Variants in TIMD4 observed in about 807,000 individuals in gnomAD.
TIMD4 encodes T cell immunoglobulin and mucin domain containing 4.
Under a neutral mutation model 41.2 loss-of-function variants are expected in TIMD4, and 31 were observed. The observed-to-expected ratio is 0.75, with a 90% CI of 0.57 to 1.01. The LOEUF is 1.01. Among genes scored for constraint, TIMD4 ranks in the 50% least tolerant of loss-of-function variants. The pLI, the probability that TIMD4 is intolerant of heterozygous loss-of-function variation, is 0.00. For synonymous variants in TIMD4, 204 were observed against 177.1 expected, an observed-to-expected ratio of 1.15 and a Z score of -1.21; for missense variants, 479 against 472.5, an observed-to-expected ratio of 1.01 and a Z score of -0.13.
intron 1 of TIMD4, 55 bp from the exon 2 acceptor site, chr5:156,954,811 G>T: frequency 7.0e-7 from 1 of 1,430,966 alleles, no homozygotes; most frequent in Non-Finnish European, 9.5e-7. Flanking sequence ...TCTCAAACAT[G>T]CTACACAGTT....
intron 1 of TIMD4, among the ~76,000 whole-genome samples, chr5:156,961,837 G>GA (rs1753066060): frequency 4.5e-5 from 3 of 66,472 alleles, no homozygotes; most frequent in South Asian, 5.7e-4. Context: ...AAAAAAAAAA[G>GA]AAAGAAAAAA....
intron 5 of TIMD4, among the ~76,000 whole-genome samples, chr5:156,930,360 T>TG (rs1273352884): frequency 6.6e-6 from 1 of 152,240 alleles, no homozygotes; most frequent in African/African-American, 2.4e-5. Flanking sequence ...AGCAATGTGA[T>TG]GGAGGTTGGA....
chr5:156,953,542 C>A (rs1173299325), intron 2 of TIMD4, among the ~76,000 whole-genome samples: 1 of 150,092 alleles, frequency 6.7e-6, no homozygotes, highest in African/African-American at 2.5e-5. Context: ...GTAATCCCAG[C>A]TACTCAGGAG....
At chr5:156,961,848 A>G (rs113366724) in intron 1 of TIMD4, among the ~76,000 whole-genome samples, 4,844 of 149,712 alleles carry the variant, frequency 0.032, 304 homozygotes, top group African/African-American at 0.11. Flanking sequence ...AAAGAAAAAA[A>G]AAAAGAAAAT....
At chr5:156,926,393 TC>T in intron 5 of TIMD4, 81 bp from the exon 6 acceptor site, 1 of 1,423,888 alleles carries the variant, frequency 7.0e-7, no homozygotes, top group Non-Finnish European at 9.9e-7. Context: ...TAATTAAGAG[TC>T]CATCTGGAAC....
At chr5:156,947,310 G>A (rs1386213115) in intron 5 of TIMD4, among the ~76,000 whole-genome samples, 1 of 151,800 alleles carries the variant, frequency 6.6e-6, no homozygotes, top group Non-Finnish European at 1.5e-5. Context: ...GGAGAATATG[G>A]GAAAGCAGAT....
At chr5:156,932,772 C>T (rs536408795) in intron 5 of TIMD4, among the ~76,000 whole-genome samples, 25 of 152,212 alleles carry the variant, frequency 1.6e-4, no homozygotes, top group South Asian at 4.2e-4. Flanking sequence ...TTTGGGAGGC[C>T]GAGGCGGATG....
At chr5:156,947,635 T>A (rs1250746016) in intron 5 of TIMD4, among the ~76,000 whole-genome samples, 1 of 152,188 alleles carries the variant, frequency 6.6e-6, no homozygotes, top group Non-Finnish European at 1.5e-5. Flanking sequence ...AAGAAGAAAG[T>A]GGTCCAATAT....
chr5:156,928,071 C>T (rs1033968682), intron 5 of TIMD4, among the ~76,000 whole-genome samples: 4 of 152,142 alleles, frequency 2.6e-5, no homozygotes, highest in South Asian at 2.1e-4. Context: ...TTTGGGAGGC[C>T]GAGGTGGGCA....
rs1193979173 is a variant in TIMD4 at position 156,929,107 on chromosome 5, C to T, written c.845-2795G>A. Reference sequence around the variant, plus strand: ...GGAAGCACTCCAAGGGCTACAGTGTCATACACAGAATGGCAACACTGAGAA... The same window carrying T: ...GGAAGCACTCCAAGGGCTACAGTGTTATACACAGAATGGCAACACTGAGAA... On this transcript the variant is annotated intron_variant, in intron 5 of 8. Coordinates refer to ENST00000274532, the MANE Select transcript of TIMD4 (RefSeq NM_138379.3). Among the ~76,000 whole-genome samples, 6 of 152,294 alleles carry T rather than the reference C, an allele frequency of 3.9e-5. No homozygotes were observed. The East Asian group carries it at 1.2e-3, about 29-fold the overall frequency.
chr5:156,929,932 A>C (rs1759416594), intron 5 of TIMD4, among the ~76,000 whole-genome samples: 1 of 152,236 alleles, frequency 6.6e-6, no homozygotes, highest in Admixed American at 6.5e-5. Flanking sequence ...AAGAGTATAA[A>C]TCTAATGTCA....
chr5:156,944,591 G>A (rs1024607562), intron 5 of TIMD4, among the ~76,000 whole-genome samples: 14 of 134,044 alleles, frequency 1.0e-4, no homozygotes, highest in African/African-American at 2.5e-4. Flanking sequence ...TGCAAGCTCC[G>A]CCTCCTGGGT....
At position 156,948,464 on chromosome 5, in the gene TIMD4, C is replaced by T. The variant is rs369567558; in HGVS notation, c.796G>A (p.Val266Met). The T allele has an allele frequency of 1.2e-5, 19 of 1,557,130 alleles. No individual in the cohort carries two copies. The highest frequency in any genetic ancestry group is 4.1e-5 in the African/African-American group (3 of 73,114). Residue 266 changes from valine to methionine, a missense_variant, in exon 5 of 9, where the codon GTG becomes ATG. Transcript: ENST00000274532. ...KVWDLPSTSHVSMWKTSDSVS... is the reference protein window; with the variant it reads ...KVWDLPSTSHMSMWKTSDSVS... Reference sequence around the variant, plus strand: ...GAATCACTCGTTTTCCACATTGACACGTGGGATGTTGATGGGAGATCCCAA... The same window carrying T: ...GAATCACTCGTTTTCCACATTGACATGTGGGATGTTGATGGGAGATCCCAA...
chr5:156,960,405 C>CTT (rs1223450556), intron 1 of TIMD4, among the ~76,000 whole-genome samples: 117 of 135,240 alleles, frequency 8.7e-4, no homozygotes, highest in Non-Finnish European at 1.1e-3. Context: ...TTTCTTCCCC[C>CTT]TTTTTTTTTT....
chr5:156,947,543 G>A (rs1185864468), intron 5 of TIMD4, among the ~76,000 whole-genome samples: 2 of 152,150 alleles, frequency 1.3e-5, no homozygotes, highest in Non-Finnish European at 2.9e-5. Context: ...CAACCTAAAT[G>A]CCCCTCAATA....
At chr5:156,955,179 G>C (rs1395960827) in intron 1 of TIMD4, among the ~76,000 whole-genome samples, 1 of 152,140 alleles carries the variant, frequency 6.6e-6, no homozygotes, top group African/African-American at 2.4e-5. Flanking sequence ...AGTGGAACCA[G>C]GTGACCAGTT....
chr5:156,930,585 C>T (rs934937754), intron 5 of TIMD4, among the ~76,000 whole-genome samples: 2 of 152,190 alleles, frequency 1.3e-5, no homozygotes, highest in African/African-American at 4.8e-5. Flanking sequence ...TCGGTACTCA[C>T]CATGAGTGTA....
At chr5:156,949,567 A>T in intron 4 of TIMD4, 84 bp downstream of exon 4, 1 of 1,210,032 alleles carries the variant, frequency 8.3e-7, no homozygotes, top group Non-Finnish European at 1.2e-6. Flanking sequence ...GTTGTCAGTC[A>T]TCTGATTCAG....
intron 5 of TIMD4, among the ~76,000 whole-genome samples, chr5:156,938,873 A>C (rs1759587091): frequency 6.6e-6 from 1 of 152,128 alleles, no homozygotes; most frequent in Non-Finnish European, 1.5e-5. Context: ...CCTAATCTTT[A>C]ACTACAGCCT....
Sources: allele counts gnomAD v4.1 joint callset (sites outside exome capture counted in the v4.1 genomes callset), GRCh38; gene constraint gnomAD v4.1.1; transcripts MANE v1.5; gene names NCBI Gene and HGNC (gene_info 2026-07-23, HGNC 2026-07-21).